ABCC12: variants seen among roughly 807,000 people sequenced by gnomAD.
ABCC12 encodes ATP-binding cassette sub-family C member 12.
In ABCC12, 142 loss-of-function variants were observed where a neutral mutation model predicts 151.1. The ratio of observed to expected loss-of-function variants is 0.94; its 90% CI spans 0.82 to 1.08. The LOEUF (loss-of-function observed/expected upper bound fraction) is 1.08. Ranked by LOEUF, ABCC12 falls within the 50% of genes least tolerant of loss-of-function variation. The pLI, the probability that ABCC12 is intolerant of heterozygous loss-of-function variation, is 0.00. For missense variants in ABCC12, 1,638 were observed against 1,691.1 expected, an observed-to-expected ratio of 0.97 and a Z score of 0.55; for synonymous variants, 645 against 646.4, an observed-to-expected ratio of 1.00 and a Z score of 0.03.
At chr16:48,084,132 G>A (rs1320983061) in intron 29 of ABCC12, 59 bp from the exon 30 acceptor site, 8 of 1,475,996 alleles carry the variant, frequency 5.4e-6, no homozygotes, top group Admixed American at 2.5e-5. Flanking sequence ...TTACAGCCTC[G>A]GCTCTATTTA....
intron 9 of ABCC12, among the ~76,000 whole-genome samples, chr16:48,132,375 G>C (rs1964457199): frequency 6.6e-6 from 1 of 152,112 alleles, no homozygotes; most frequent in South Asian, 2.1e-4. Context: ...GCAGTAATGG[G>C]ATTAAACACA....
chr16:48,146,485 G>T lies in ABCC12; in HGVS notation c.-50-11C>A. On this transcript the variant is annotated splice_polypyrimidine_tract_variant and intron_variant, in intron 2 of 30. Transcript: ENST00000311303. ...GGGGACACTTTCACTCTATGGCAGA[G>T]AAATGGCAAAGGTTATTGAGAGGTG... The T allele has an allele frequency of 7.4e-7, 1 of 1,360,006 alleles. No homozygotes were observed. The highest frequency in any genetic ancestry group is 1.0e-6 in the Non-Finnish European group (1 of 952,518). 84.2% of individuals were successfully genotyped at this position (1,360,006 alleles called of 1,614,324 possible). A position where few individuals can be genotyped will look rare whatever the true frequency, so the allele number is the denominator to read the frequency against.
intron 26 of ABCC12, 149 bp from the exon 27 acceptor site, chr16:48,088,234 G>A: frequency 2.0e-6 from 2 of 1,006,040 alleles, no homozygotes; most frequent in Non-Finnish European, 2.9e-6. Flanking sequence ...CCAGGGTGGG[G>A]GTGGAGGGAT....
chr16:48,149,923 T>A (rs1965094876), intron 2 of ABCC12, among the ~76,000 whole-genome samples: 1 of 152,192 alleles, frequency 6.6e-6, no homozygotes, highest in African/African-American at 2.4e-5. Context: ...TATTTAAAAG[T>A]CTAAAAATTG....
At position 48,144,069 on chromosome 16, in the gene ABCC12, C is replaced by A; in HGVS notation, c.120-4G>T. On this transcript the variant is annotated splice_polypyrimidine_tract_variant and splice_region_variant and intron_variant, in intron 3 of 30. Coordinates refer to ENST00000311303, the MANE Select transcript of ABCC12 (RefSeq NM_001393797.1). Reference sequence around the variant, plus strand: ...ATCCACCGGGTTGGGTGCTAACCTGCAGACAAACAAGACACTCAGCGTTCC... The same window carrying A: ...ATCCACCGGGTTGGGTGCTAACCTGAAGACAAACAAGACACTCAGCGTTCC... 6.2e-7 allele frequency: 1 copy of A among 1,611,266 alleles called. No individual in the cohort carries two copies. Among genetic ancestry groups the A allele is most frequent in the South Asian group, 1.1e-5 (1 of 90,682 alleles).
chr16:48,107,079 T>C (rs1167181013), intron 20 of ABCC12, among the ~76,000 whole-genome samples: 2 of 152,160 alleles, frequency 1.3e-5, no homozygotes, highest in Non-Finnish European at 2.9e-5. Flanking sequence ...TGGGGCACAG[T>C]CTTCTTTAGT....
At chr16:48,115,764 G>GC in intron 14 of ABCC12, 146 bp from the exon 15 acceptor site, 3 of 838,492 alleles carry the variant, frequency 3.6e-6, no homozygotes, top group Non-Finnish European at 5.4e-6. Flanking sequence ...CCCTTACAGG[G>GC]CCCCCGGTCA....
At chr16:48,128,075 C>T (rs907322200) in intron 11 of ABCC12, among the ~76,000 whole-genome samples, 1 of 152,110 alleles carries the variant, frequency 6.6e-6, no homozygotes, top group Non-Finnish European at 1.5e-5. Context: ...GTTCTGATTG[C>T]ACCACTGCAC....
chr16:48,141,170 AC>A, intron 5 of ABCC12, 35 bp downstream of exon 5: 1 of 1,607,536 alleles, frequency 6.2e-7, no homozygotes, highest in Non-Finnish European at 8.5e-7. Context: ...TAGGCTGGGG[AC>A]CTAGCAGATG....
At chr16:48,104,730 G>A (rs1963426925) in intron 21 of ABCC12, among the ~76,000 whole-genome samples, 1 of 152,204 alleles carries the variant, frequency 6.6e-6, no homozygotes, top group African/African-American at 2.4e-5. Flanking sequence ...TACCTCCAAA[G>A]TGTGGGCCCC....
chr16:48,124,276 G>A lies in ABCC12; in HGVS notation c.1524C>T (p.Ile508=). 1.2e-6 allele frequency: 2 copies of A among 1,614,122 alleles called. No individual in the cohort carries two copies. Among genetic ancestry groups the A allele is most frequent in the East Asian group, 2.2e-5 (1 of 44,880 alleles). ...SISFVVRKGK[I]LGICGNVGSG... The stretch of plus-strand genomic sequence containing the variant: ...TTCCCACATTCCCACATATTCCCAA[G>A]ATCTTCCCCTGCCAGAGAAACAGAG... The change falls in exon 12 of 31, where the codon ATC becomes ATT. Residue 508 remains isoleucine, a synonymous_variant. Transcript: ENST00000311303.
chr16:48,107,812 G>A (rs1963548192), intron 19 of ABCC12, among the ~76,000 whole-genome samples: 1 of 152,170 alleles, frequency 6.6e-6, no homozygotes, highest in Non-Finnish European at 1.5e-5. Flanking sequence ...GACTAGCCTG[G>A]CCAACATGGT....
chr16:48,085,055 C>T (rs928642655), intron 29 of ABCC12, among the ~76,000 whole-genome samples: 2 of 152,106 alleles, frequency 1.3e-5, no homozygotes, highest in African/African-American at 4.8e-5. Context: ...ACGCCGGCCC[C>T]TCTCCCCTGA....
In ABCC12 at chr16:48,124,140, C is replaced by T. The variant is rs563257953; in HGVS notation, c.1587+73G>A. ...CAGCCGAGGCCATCTGCTGGGTCCA[C>T]GCCTGACCGGAAGGGAGCCATTTCA... On this transcript the variant is annotated intron_variant, in intron 12 of 30. Coordinates refer to ENST00000311303, the MANE Select transcript of ABCC12 (RefSeq NM_001393797.1). 106 of 1,514,092 alleles carry T rather than the reference C, an allele frequency of 7.0e-5. No homozygotes were observed. The African/African-American group carries it at 1.1e-3, about 15-fold the overall frequency. The allele number at this position is 1,514,092 out of a possible 1,614,324, so 93.8% of individuals were successfully genotyped here. A position where few individuals can be genotyped will look rare whatever the true frequency, so the allele number is the denominator to read the frequency against.
Position 48,115,611 on chromosome 16 carries a change from T to C in ABCC12, c.1793A>G (p.Glu598Gly), listed in dbSNP as rs1487071988. ...LPYGDLTEIG[E>G]RGLNLSGGQR... is the part of the protein sequence containing the mutation. Reference sequence around the variant, plus strand: ...CCCCCCAGAGAGGTTGAGGCCCCGCTCCCCAATCTGTGGACAGGGACAATG... The same window carrying C: ...CCCCCCAGAGAGGTTGAGGCCCCGCCCCCCAATCTGTGGACAGGGACAATG... Residue 598 changes from glutamate to glycine, a missense_variant, in exon 15 of 31, where the codon GAG becomes GGG. By Grantham distance (98) the Glu-to-Gly change is moderately conservative. Coordinates refer to ENST00000311303, the MANE Select transcript of ABCC12 (RefSeq NM_001393797.1). 6.2e-7 allele frequency: 1 copy of C among 1,613,244 alleles called. No individual in the cohort carries two copies. The highest frequency in any genetic ancestry group is 1.1e-5 in the South Asian group (1 of 90,984).
intron 22 of ABCC12, among the ~76,000 whole-genome samples, chr16:48,103,857 G>A (rs1470130633): frequency 1.3e-5 from 2 of 152,220 alleles, no homozygotes; most frequent in African/African-American, 4.8e-5. Flanking sequence ...AGCAGCAACG[G>A]TAGAGCCCCA....
chr16:48,080,897 A>G lies in ABCC12; in HGVS notation c.*2818T>C, dbSNP rs1198667672. Among the ~76,000 whole-genome samples, 1 of 152,232 alleles carries G rather than the reference A, an allele frequency of 6.6e-6. No individual in the cohort carries two copies. The highest frequency in any genetic ancestry group is 1.5e-5 in the Non-Finnish European group (1 of 68,052). ...TTAGACTGAGTAATTTATAAACAACAGAAATTTATTGCTCACAGTTCTGGA... is the reference window on the plus strand; with the variant it reads ...TTAGACTGAGTAATTTATAAACAACGGAAATTTATTGCTCACAGTTCTGGA... On this transcript the variant is annotated 3_prime_UTR_variant, in exon 31 of 31. Transcript: ENST00000311303.
At chr16:48,133,332 G>A (rs988805850) in intron 9 of ABCC12, among the ~76,000 whole-genome samples, 1 of 152,050 alleles carries the variant, frequency 6.6e-6, no homozygotes, top group Non-Finnish European at 1.5e-5. Context: ...GACCAGCCTG[G>A]CCAACATGGT....
chr16:48,085,681 T>G lies in ABCC12; in HGVS notation c.3740A>C (p.Gln1247Pro). Reference protein sequence around the residue: ...DTIMKLPEKLQAEVTENGENF... With the variant: ...DTIMKLPEKLPAEVTENGENF... ...TTCTCCATTTTCTGTGACTTCTGCC[T>G]GTAATTTTTCTGGGAGTTTCATTAT... Residue 1247 changes from glutamine to proline, a missense_variant, in exon 29 of 31, where the codon CAG (glutamine) becomes CCG (proline). Gln to Pro is a moderately conservative substitution (Grantham distance 76). Transcript: ENST00000311303. 1.2e-6 allele frequency: 2 copies of G among 1,614,162 alleles called. No individual in the cohort carries two copies. Among genetic ancestry groups the G allele is most frequent in the Non-Finnish European group, 8.5e-7 (1 of 1,179,978 alleles).
Sources: allele counts gnomAD v4.1 joint callset (sites outside exome capture counted in the v4.1 genomes callset), GRCh38; gene constraint gnomAD v4.1.1; transcripts MANE v1.5; gene names NCBI Gene and HGNC (gene_info 2026-07-23, HGNC 2026-07-21).